The following BRD10 variants were observed in gnomAD, a reference collection of about 807,000 sequenced individuals.
BRD10 encodes the protein bromodomain containing 10.
the BRD10 span, among the ~76,000 whole-genome samples, chr9:5,993,480 A>C: frequency 7.6e-4 from 116 of 152,296 alleles, no homozygotes; most frequent in Non-Finnish European, 1.3e-3. Context: ...CTATTTACAA[A>C]TGTGCAGGCA....
the BRD10 span, among the ~76,000 whole-genome samples, chr9:5,994,521 C>T: frequency 6.6e-6 from 1 of 152,156 alleles, no homozygotes; most frequent in Non-Finnish European, 1.5e-5. Context: ...ACCTTATTCC[C>T]CCTGAATTTC....
the BRD10 span, among the ~76,000 whole-genome samples, chr9:5,956,124 TA>T: frequency 0.019 from 2,899 of 151,316 alleles, 77 homozygotes; most frequent in African/African-American, 0.061. Context: ...CTGATTAGCT[TA>T]AAAAAAAAGC....
At chr9:5,935,887 G>C in the BRD10 span, among the ~76,000 whole-genome samples, 3 of 152,050 alleles carry the variant, frequency 2.0e-5, no homozygotes. Flanking sequence ...AGATACAAAA[G>C]GTTATTTAAA....
At chr9:6,006,552 C>G in the BRD10 span, among the ~76,000 whole-genome samples, 1 of 152,126 alleles carries the variant, frequency 6.6e-6, no homozygotes, top group Admixed American at 6.5e-5. Flanking sequence ...TCTGACTTGC[C>G]TATGATTTCT....
At chr9:5,921,324 G>C in the BRD10 span, 1 of 1,613,794 alleles carries the variant, frequency 6.2e-7, no homozygotes, top group East Asian at 2.2e-5. Flanking sequence ...ATTTTTATTG[G>C]TGTGCCCACT....
the BRD10 span, chr9:5,920,636 T>C: frequency 6.2e-7 from 1 of 1,614,016 alleles, no homozygotes; most frequent in Admixed American, 1.7e-5. Context: ...TGAATGGAAC[T>C]GGAGTGAAGT....
the BRD10 span, among the ~76,000 whole-genome samples, chr9:5,914,340 T>C: frequency 1.3e-5 from 2 of 151,770 alleles, no homozygotes; most frequent in African/African-American, 4.8e-5. Context: ...TCTTAGTTGA[T>C]GGTACATTTG....
At chr9:5,967,988 A>G in the BRD10 span, 3 of 1,308,490 alleles carry the variant, frequency 2.3e-6, no homozygotes, top group East Asian at 7.6e-5. Context: ...TTATACTTAA[A>G]TATAACTCCC....
chr9:5,995,711 G>A, the BRD10 span, among the ~76,000 whole-genome samples: 2 of 152,166 alleles, frequency 1.3e-5, no homozygotes, highest in Admixed American at 1.3e-4. Context: ...TTAAGAACTT[G>A]AATTGGACTT....
chr9:5,934,835 A>C, the BRD10 span, among the ~76,000 whole-genome samples: 32 of 152,324 alleles, frequency 2.1e-4, no homozygotes, highest in South Asian at 3.7e-3. Context: ...ATCTAAACTC[A>C]CATGTATAAA....
chr9:5,931,472 C>G, the BRD10 span, among the ~76,000 whole-genome samples: 1 of 152,168 alleles, frequency 6.6e-6, no homozygotes. Context: ...TACTACTGAA[C>G]TAGAAGACTG....
At chr9:5,898,563 G>A in the BRD10 span, among the ~76,000 whole-genome samples, 1 of 152,276 alleles carries the variant, frequency 6.6e-6, no homozygotes, top group Middle Eastern at 3.4e-3. Context: ...TCTACTCATA[G>A]CAGACTTGGG....
At chr9:5,882,535 A>G in the BRD10 span, among the ~76,000 whole-genome samples, 2 of 152,248 alleles carry the variant, frequency 1.3e-5, no homozygotes, top group African/African-American at 2.4e-5. Flanking sequence ...AGCCTTGCAC[A>G]AAGGCCATCA....
chr9:5,905,456 C>A, the BRD10 span, among the ~76,000 whole-genome samples: 1 of 152,140 alleles, frequency 6.6e-6, no homozygotes, highest in Non-Finnish European at 1.5e-5. Context: ...AAATTAGGAA[C>A]AAGACAATGC....
chr9:6,007,029 C>T, the BRD10 span, among the ~76,000 whole-genome samples: 4 of 152,348 alleles, frequency 2.6e-5, no homozygotes, highest in East Asian at 1.9e-4. Flanking sequence ...ACCCACCACA[C>T]CCCTCCGGTC....
the BRD10 span, among the ~76,000 whole-genome samples, chr9:5,907,361 C>T: frequency 1.3e-5 from 2 of 152,006 alleles, no homozygotes; most frequent in African/African-American, 4.8e-5. Context: ...CAGATATATA[C>T]AGAGGGAAGG....
At chr9:5,966,130 C>A in the BRD10 span, among the ~76,000 whole-genome samples, 1 of 152,226 alleles carries the variant, frequency 6.6e-6, no homozygotes, top group South Asian at 2.1e-4. Context: ...CAAGTGTATT[C>A]TTTTCTTCTA....
chr9:5,903,910 T>A, the BRD10 span, among the ~76,000 whole-genome samples: 1 of 151,766 alleles, frequency 6.6e-6, no homozygotes, highest in Non-Finnish European at 1.5e-5. Context: ...TAGACTGGAG[T>A]GCAGTGGTGT....
chr9:5,968,670 T>C, the BRD10 span: 7 of 1,613,744 alleles, frequency 4.3e-6, no homozygotes, highest in Non-Finnish European at 5.9e-6. Context: ...TGTTCTCCAT[T>C]ACTTGTACTA....
Sources: gnomAD v4.1 joint callset for allele counts (sites outside exome capture counted in the v4.1 genomes callset) on GRCh38, gnomAD v4.1.1 for gene constraint, MANE v1.5 for transcripts, NCBI Gene and HGNC (gene_info 2026-07-23, HGNC 2026-07-21) for gene names.